PLK5: variants seen among roughly 807,000 people sequenced by gnomAD.
The protein encoded by PLK5 is polo like kinase 5 (inactive).
PLK5 carries 28 observed loss-of-function variants against 33.7 expected under a neutral mutation model. The ratio of observed to expected loss-of-function variants is 0.83; its 90% CI spans 0.62 to 1.14. The LOEUF is 1.14. Ranked by LOEUF, PLK5 falls within the 50% of genes most tolerant of loss-of-function variation. PLK5 has a pLI of 0.00. For synonymous variants in PLK5, 225 were observed against 202.2 expected (o/e 1.11, Z -0.96); for missense variants, 492 against 461.5 (o/e 1.07, Z -0.61).
chr19:1,533,878 G>C, intron 12 of PLK5, 53 bp from the exon 13 acceptor site: 13 of 841,412 alleles, frequency 1.5e-5, no homozygotes, highest in Non-Finnish European at 1.9e-5. Flanking sequence ...GTGTGGGGGC[G>C]AGGGGTGGGG....
chr19:1,534,132 C>A, intron 13 of PLK5, 91 bp downstream of exon 13: 3 of 882,348 alleles, frequency 3.4e-6, no homozygotes, highest in Non-Finnish European at 5.1e-6. Flanking sequence ...TTGGGGGAGC[C>A]TTAGGAAGCA....
At position 1,528,412 on chromosome 19, in the gene PLK5, C is replaced by G; in HGVS notation, c.312C>G (p.Thr104=). 1 of 1,534,412 alleles carries G rather than the reference C, an allele frequency of 6.5e-7. No homozygotes were observed. Among genetic ancestry groups the G allele is most frequent in the East Asian group, 2.4e-5 (1 of 40,840 alleles). Reference sequence around the variant, plus strand: ...GGAAGGTGGGCCAGCGGCTGCTCACCCAGTGCCGGCCACCCTGTAAGTACC... The same window carrying G: ...GGAAGGTGGGCCAGCGGCTGCTCACGCAGTGCCGGCCACCCTGTAAGTACC... ...IFRKVGQRLL[T]QCRPPCPFTP... Residue 104 remains threonine, a synonymous_variant, in exon 8 of 14, where the codon ACC becomes ACG. Transcript: ENST00000454744.
In PLK5 at chr19:1,535,744, A is replaced by G. The variant is rs2145552003; in HGVS notation, c.*494A>G. 5.9e-6 allele frequency: 1 copy of G among 169,190 alleles called. No homozygotes were observed. Among genetic ancestry groups the G allele is most frequent in the Non-Finnish European group, 1.3e-5 (1 of 79,746 alleles). The allele number at this position is 169,190 out of a possible 1,614,324, so 10.5% of individuals were successfully genotyped here. On this transcript the variant is annotated 3_prime_UTR_variant, in exon 14 of 14. Coordinates refer to ENST00000454744, the MANE Select transcript of PLK5 (RefSeq NM_001243079.2). ...CAAAAAATTAGCTGGGCATGGTGGC[A>G]CGTGCCTGTAGTCCCAGCTACTTGG...
At chr19:1,527,458 C>T (rs1846566584) in intron 6 of PLK5, among the ~76,000 whole-genome samples, 1 of 152,050 alleles carries the variant, frequency 6.6e-6, no homozygotes, top group Admixed American at 6.6e-5. Flanking sequence ...AAAAATTAGC[C>T]AGGAGTGGTG....
At chr19:1,530,519 G>A (rs995128633) in intron 11 of PLK5, among the ~76,000 whole-genome samples, 7 of 149,612 alleles carry the variant, frequency 4.7e-5, no homozygotes, top group Non-Finnish European at 1.0e-4. Flanking sequence ...GGCTGGTCTC[G>A]AACTCCTGAC....
chr19:1,530,466 T>C (rs1913894380), intron 11 of PLK5, among the ~76,000 whole-genome samples: 1 of 151,974 alleles, frequency 6.6e-6, no homozygotes, highest in African/African-American at 2.4e-5. Flanking sequence ...CCTGCTAATT[T>C]CTGTATTCTT....
rs1913666514 is a variant in PLK5, at chr19:1,524,192, C to A, written c.-598C>A. 1 of 150,650 alleles carries A rather than the reference C, an allele frequency of 6.6e-6. No individual in the cohort carries two copies. The allele number at this position is 150,650 out of a possible 1,614,324, so 9.3% of individuals were successfully genotyped here. A position where few individuals can be genotyped will look rare whatever the true frequency, so the allele number is the denominator to read the frequency against. ...GGAGTCGCCCCCTGGTCGCCGCCTT[C>A]CTGCGAGACCCGGGCTCGGGCCGCG... On this transcript the variant is annotated 5_prime_UTR_variant, in exon 1 of 14. Transcript: ENST00000454744. This position sits in a 1 kb window ranked among gnomAD's most constrained non-coding sequence, Gnocchi z 4.5.
At chr19:1,528,841 C>G in intron 8 of PLK5, 57 bp from the exon 9 acceptor site, 1 of 1,334,778 alleles carries the variant, frequency 7.5e-7, no homozygotes, top group South Asian at 1.5e-5. Flanking sequence ...AGGTGCCCCC[C>G]TACCCCCAGC....
Position 1,526,727 on chromosome 19 carries a change from A to G in PLK5, c.-159A>G. 5.6e-6 allele frequency: 3 copies of G among 535,262 alleles called. No homozygotes were observed. In the South Asian group the frequency reaches 6.1e-5, roughly 11 times the overall value. The allele number at this position is 535,262 out of a possible 1,614,324, so 33.2% of individuals were successfully genotyped here. A position where few individuals can be genotyped will look rare whatever the true frequency, so the allele number is the denominator to read the frequency against. ...AGGTAACTTCTTCCTTAACAAGAAC[A>G]TGGAGGTGAAGATTGGAGACCTGGG... On this transcript the variant is annotated 5_prime_UTR_variant, in exon 5 of 14. The change abolishes an upstream ATG in the 5' untranslated region. Transcript: ENST00000454744.
chr19:1,525,956 C>T (rs1239243555), intron 3 of PLK5, among the ~76,000 whole-genome samples: 1 of 151,976 alleles, frequency 6.6e-6, no homozygotes, highest in Non-Finnish European at 1.5e-5. Context: ...CCGTCTCAGA[C>T]TCACCTGTGA....
intron 12 of PLK5, among the ~76,000 whole-genome samples, chr19:1,532,791 G>C (rs11879792): frequency 1.1e-4 from 17 of 151,350 alleles, no homozygotes; most frequent in Admixed American, 3.9e-4. Flanking sequence ...CAAAGTGCTG[G>C]GATTATAGGC....
intron 11 of PLK5, 32 bp from the exon 12 acceptor site, chr19:1,531,706 C>T (rs771607428): frequency 1.0e-4 from 161 of 1,535,132 alleles, no homozygotes; most frequent in Non-Finnish European, 1.2e-4. Context: ...GACCCCTGAC[C>T]CCTGGCTCAG....
rs764116627 is a variant in PLK5 at position 1,531,882 on chromosome 19, G to GGTCGCAGTGTTGT, written c.714_714+1insTCGCAGTGTTGTG (p.Glu239SerfsTer28). 32 of 1,485,212 alleles carry GGTCGCAGTGTTGT rather than the reference G, an allele frequency of 2.2e-5. No homozygotes were observed. The South Asian group carries it at 4.2e-4, about 20-fold the overall frequency. The allele number at this position is 1,485,212 out of a possible 1,614,324, so 92.0% of individuals were successfully genotyped here. On this transcript the variant is annotated frameshift_variant and splice_region_variant, in exon 12 of 14. Transcript: ENST00000454744. LOFTEE classifies it high-confidence loss of function. Reference sequence around the variant, plus strand: ...CCACATGGCCCTGCGACCCCCCGGAGGGTAAGTTGTGGCCTCCTGTGCCCT... The same window carrying GGTCGCAGTGTTGT: ...CCACATGGCCCTGCGACCCCCCGGAGGTCGCAGTGTTGTGGTAAGTTGTGGCCTCCTGTGCCCT...
chr19:1,526,500 G>A lies in PLK5; in HGVS notation c.-298G>A. Reference sequence around the variant, plus strand: ...GTCACCCACAGTCTTTGGCCCACGTGCTGAGGGCGCGGCAGATCCTGACGG... The same window carrying A: ...GTCACCCACAGTCTTTGGCCCACGTACTGAGGGCGCGGCAGATCCTGACGG... On this transcript the variant is annotated 5_prime_UTR_variant, in exon 4 of 14. Transcript: ENST00000454744. 3.8e-6 allele frequency: 1 copy of A among 262,624 alleles called. No individual in the cohort carries two copies. The highest frequency in any genetic ancestry group is 1.3e-4 in the East Asian group (1 of 7,542). The allele number at this position is 262,624 out of a possible 1,614,324, so 16.3% of individuals were successfully genotyped here.
At chr19:1,533,894 C>A in intron 12 of PLK5, 37 bp from the exon 13 acceptor site, 1 of 1,469,916 alleles carries the variant, frequency 6.8e-7, no homozygotes. Flanking sequence ...TGGGGACGCC[C>A]CCTGCGTCAC....
In PLK5 at chr19:1,528,881, C is replaced by T; in HGVS notation, c.329-17C>T. On this transcript the variant is annotated splice_polypyrimidine_tract_variant and intron_variant, in intron 8 of 13. Coordinates refer to ENST00000454744, the MANE Select transcript of PLK5 (RefSeq NM_001243079.2). ...GGCCCAGGCTGTGCCCCCTCCAAGGCCTTGTGCCTCCCTCAGGCCCCTTCA... is the reference window on the plus strand; with the variant it reads ...GGCCCAGGCTGTGCCCCCTCCAAGGTCTTGTGCCTCCCTCAGGCCCCTTCA... 2 of 1,495,978 alleles carry T rather than the reference C, an allele frequency of 1.3e-6. No individual in the cohort carries two copies. Among genetic ancestry groups the T allele is most frequent in the Non-Finnish European group, 1.8e-6 (2 of 1,129,404 alleles). 92.7% of individuals were successfully genotyped at this position (1,495,978 alleles called of 1,614,324 possible).
chr19:1,528,011 C>T lies in PLK5; in HGVS notation c.78C>T (p.Gly26=), dbSNP rs1396334022. 6.5e-7 allele frequency: 1 copy of T among 1,536,022 alleles called. No individual in the cohort carries two copies. The highest frequency in any genetic ancestry group is 8.7e-7 in the Non-Finnish European group (1 of 1,146,886). ...LSEMYQNIRE[G]HYPEPAHLSA... is the part of the protein sequence containing the mutation. Reference sequence around the variant, plus strand: ...AGATGTACCAAAACATCCGTGAGGGCCACTACCCCGAACCCGCTCACCTGT... The same window carrying T: ...AGATGTACCAAAACATCCGTGAGGGTCACTACCCCGAACCCGCTCACCTGT... The change falls in exon 7 of 14, where the codon GGC becomes GGT. Residue 26 remains glycine, a synonymous_variant. Coordinates refer to ENST00000454744, the MANE Select transcript of PLK5 (RefSeq NM_001243079.2).
rs1296879278 is a variant in PLK5 at position 1,526,720 on chromosome 19, C to A, written c.-166C>A. The A allele has an allele frequency of 1.9e-5, 10 of 520,454 alleles. No individual in the cohort carries two copies. The highest frequency in any genetic ancestry group is 3.5e-5 in the Non-Finnish European group (10 of 288,122). The allele number at this position is 520,454 out of a possible 1,614,324, so 32.2% of individuals were successfully genotyped here. Reference sequence around the variant, plus strand: ...CACTGCCAGGTAACTTCTTCCTTAACAAGAACATGGAGGTGAAGATTGGAG... The same window carrying A: ...CACTGCCAGGTAACTTCTTCCTTAAAAAGAACATGGAGGTGAAGATTGGAG... On this transcript the variant is annotated 5_prime_UTR_variant, in exon 5 of 14. Transcript: ENST00000454744.
rs1913830203 is a variant in PLK5 at position 1,528,671 on chromosome 19, CCACACCTCCCACCTGCT to C, written c.329-210_329-194del. 1.4e-4 allele frequency among the ~76,000 whole-genome samples: 15 copies of C among 107,294 alleles called. No individual in the cohort carries two copies. The South Asian group carries it at 3.6e-3, about 25-fold the overall frequency. 70.4% of individuals were successfully genotyped at this position (107,294 alleles called of 152,430 possible). A position where few individuals can be genotyped will look rare whatever the true frequency, so the allele number is the denominator to read the frequency against. On this transcript the variant is annotated intron_variant, in intron 8 of 13. Transcript: ENST00000454744. The stretch of plus-strand genomic sequence containing the variant: ...CCACCTGCCCACACCTCCCACCTGC[CCACACCTCCCACCTGCT>C]CACACCTCCCACCTGCCCACACCTG...
Sources: gnomAD v4.1 joint callset for allele counts (sites outside exome capture counted in the v4.1 genomes callset) on GRCh38, gnomAD v4.1.1 for gene constraint, Gnocchi (gnomAD v3.1) non-coding constraint, MANE v1.5 for transcripts, NCBI Gene and HGNC (gene_info 2026-07-23, HGNC 2026-07-21) for gene names.